Variants in TC2N observed in about 807,000 individuals in gnomAD.
The protein encoded by TC2N is tandem C2 domains, nuclear, also known as tandem C2 domains nuclear protein.
A neutral mutation model predicts 61.9 loss-of-function variants in TC2N; 51 were observed. That is an observed-to-expected ratio of 0.82 (90% confidence interval 0.66 to 1.04). The LOEUF is 1.04. TC2N is among the 50% of genes least tolerant of loss of function. The pLI is 0.00. For synonymous variants in TC2N, 204 were observed against 192.6 expected, an observed-to-expected ratio of 1.06 and a Z score of -0.49; for missense variants, 556 against 566.7, an observed-to-expected ratio of 0.98 and a Z score of 0.19.
chr14:91,797,809 T>C lies in TC2N; in HGVS notation c.831A>G (p.Lys277=), dbSNP rs1720781549. The C allele has an allele frequency of 6.2e-7, 1 of 1,605,950 alleles. No individual in the cohort carries two copies. The highest frequency in any genetic ancestry group is 8.5e-7 in the Non-Finnish European group (1 of 1,176,144). Residue 277 remains lysine (K), a synonymous_variant, in exon 8 of 12, where the codon AAA becomes AAG. Coordinates refer to ENST00000435962, the MANE Select transcript of TC2N (RefSeq NM_001128596.3). ...ILTLPKPVHF[K]SSAKEGSNAI... ...CGTTGGAACCTTCCTTGGCTGAAGA[T>C]TTGAAATGCACTGGTTTGGGCAATG...
chr14:91,788,719 T>C (rs543785301), intron 9 of TC2N, among the ~76,000 whole-genome samples: 1 of 152,166 alleles, frequency 6.6e-6, no homozygotes, highest in Non-Finnish European at 1.5e-5. Context: ...AATATGATTC[T>C]GTATTTCAAA....
chr14:91,804,784 G>A (rs1886431007), intron 3 of TC2N, among the ~76,000 whole-genome samples: 1 of 152,130 alleles, frequency 6.6e-6, no homozygotes. Flanking sequence ...TAACAATGGT[G>A]ACACTGAACA....
chr14:91,821,290 A>C (rs1375472373), intron 1 of TC2N, among the ~76,000 whole-genome samples: 1 of 152,118 alleles, frequency 6.6e-6, no homozygotes, highest in East Asian at 1.9e-4. Flanking sequence ...CAATAGAATT[A>C]AATTCAGAGC....
Position 91,802,272 on chromosome 14 carries a change from T to C in TC2N, c.451A>G (p.Lys151Glu). 1 of 1,591,282 alleles carries C rather than the reference T, an allele frequency of 6.3e-7. No individual in the cohort carries two copies. The highest frequency in any genetic ancestry group is 8.5e-7 in the Non-Finnish European group (1 of 1,171,812). The change falls in exon 4 of 12, where the codon AAG (lysine) becomes GAG (glutamate). Residue 151 changes from lysine to glutamate, a missense_variant. Physicochemically the swap from Lys to Glu is moderately conservative, Grantham distance 56. Coordinates refer to ENST00000435962, the MANE Select transcript of TC2N (RefSeq NM_001128596.3). ...TTCATACCCGATCCATACAGTCTCT[T>C]CACTTCTGAACGGGGAGGAAAGCGT... ...SRRFPPRSEV[K>E]RLYGSVCDLR...
At chr14:91,850,658 C>T (rs991199252) in intron 1 of TC2N, among the ~76,000 whole-genome samples, 56 of 152,334 alleles carry the variant, frequency 3.7e-4, no homozygotes, top group African/African-American at 1.2e-3. Context: ...CCTGCCCAGG[C>T]ACAGTGGCTT....
intron 2 of TC2N, 134 bp from the exon 3 acceptor site, chr14:91,812,679 C>G (rs1209285518): frequency 2.1e-5 from 11 of 529,042 alleles, no homozygotes; most frequent in East Asian, 1.1e-4. Context: ...TTGGGTCTTA[C>G]CAAACACTTC....
intron 1 of TC2N, among the ~76,000 whole-genome samples, chr14:91,835,441 TA>T: frequency 6.6e-6 from 1 of 152,356 alleles, no homozygotes; most frequent in Middle Eastern, 3.4e-3. Context: ...AAATTTCTAT[TA>T]ACTGCCTACC....
At chr14:91,793,836 C>A (rs1440954557) in intron 8 of TC2N, among the ~76,000 whole-genome samples, 4 of 152,106 alleles carry the variant, frequency 2.6e-5, no homozygotes, top group African/African-American at 9.7e-5. Context: ...GGGAAAGGAA[C>A]AAACGTACAT....
At chr14:91,843,875 TA>T (rs1888211254) in intron 1 of TC2N, among the ~76,000 whole-genome samples, 1 of 149,104 alleles carries the variant, frequency 6.7e-6, no homozygotes, top group African/African-American at 2.6e-5. Flanking sequence ...AAATGCTTTA[TA>T]ATCCTATTTT....
At chr14:91,830,625 T>C (rs1331545482) in intron 1 of TC2N, among the ~76,000 whole-genome samples, 1 of 151,302 alleles carries the variant, frequency 6.6e-6, no homozygotes, top group East Asian at 2.0e-4. Flanking sequence ...TAGAATTATA[T>C]AGTGATAGTT....
intron 1 of TC2N, among the ~76,000 whole-genome samples, chr14:91,834,522 T>G (rs1047221365): frequency 3.3e-5 from 5 of 152,168 alleles, no homozygotes; most frequent in Non-Finnish European, 5.9e-5. Flanking sequence ...CCTTCTAACC[T>G]TTGTTTCTCA....
At chr14:91,835,365 T>C in intron 1 of TC2N, among the ~76,000 whole-genome samples, 1 of 152,240 alleles carries the variant, frequency 6.6e-6, no homozygotes. Flanking sequence ...GGTAAATGGA[T>C]TTTGTTGTTG....
intron 1 of TC2N, among the ~76,000 whole-genome samples, chr14:91,865,801 A>AC (rs1888688412): frequency 1.3e-5 from 2 of 152,114 alleles, no homozygotes; most frequent in African/African-American, 2.4e-5. Context: ...AATTTTGTGG[A>AC]CCCTGCTACT....
At chr14:91,812,106 C>A in intron 3 of TC2N, 1 of 227,064 alleles carries the variant, frequency 4.4e-6, no homozygotes, top group Non-Finnish European at 8.5e-6. Context: ...AAGGCCAATT[C>A]TACATACAAA....
At chr14:91,863,797 G>T (rs773092882) in intron 1 of TC2N, among the ~76,000 whole-genome samples, 12 of 132,464 alleles carry the variant, frequency 9.1e-5, no homozygotes, top group Non-Finnish European at 1.7e-4. Context: ...ATCAGCCTGG[G>T]CAAAAAAGCG....
At chr14:91,815,159 T>G (rs1304337418) in intron 1 of TC2N, among the ~76,000 whole-genome samples, 1 of 151,588 alleles carries the variant, frequency 6.6e-6, no homozygotes, top group Non-Finnish European at 1.5e-5. Context: ...CTCTAATAAA[T>G]ACACATATAG....
chr14:91,785,285 G>A lies in TC2N; in HGVS notation c.1239C>T (p.Ser413=). 2.5e-6 allele frequency: 4 copies of A among 1,613,442 alleles called. No homozygotes were observed. Among genetic ancestry groups the A allele is most frequent in the Non-Finnish European group, 3.4e-6 (4 of 1,179,604 alleles). ...TCTCTCCCCACTTGACTCTTCCATTGGAGGCCTTCAGTAAGCGTGTCTTTT... is the reference window on the plus strand; with the variant it reads ...TCTCTCCCCACTTGACTCTTCCATTAGAGGCCTTCAGTAAGCGTGTCTTTT... ...YKKKTRLLKA[S]NGRVKWGETM... is the part of the protein sequence containing the mutation. The change falls in exon 11 of 12, where the codon TCC becomes TCT. Residue 413 remains serine, a synonymous_variant. Transcript: ENST00000435962.
intron 4 of TC2N, 100 bp downstream of exon 4, chr14:91,802,154 G>C: frequency 9.4e-7 from 1 of 1,068,624 alleles, no homozygotes; most frequent in Non-Finnish European, 1.3e-6. Flanking sequence ...TTTTTAAAAT[G>C]CTTTTAATAG....
chr14:91,822,668 G>C lies in TC2N; in HGVS notation c.-56-8843C>G, dbSNP rs151328465. ...AGAGAGGGACAGAAAGGAAGGACTT[G>C]GTGGGGCAGGAGGAAACTTTGGAGT... On this transcript the variant is annotated intron_variant, in intron 1 of 11. Coordinates refer to ENST00000435962, the MANE Select transcript of TC2N (RefSeq NM_001128596.3). Among the ~76,000 whole-genome samples the C allele has an allele frequency of 2.9e-3, 439 of 151,738 alleles. 3 individuals carry two copies. Among genetic ancestry groups the C allele is most frequent in the African/African-American group, 0.01 (415 of 41,382 alleles).
Sources: gnomAD v4.1 joint callset for allele counts (sites outside exome capture counted in the v4.1 genomes callset) on GRCh38, gnomAD v4.1.1 for gene constraint, MANE v1.5 for transcripts, NCBI Gene and HGNC (gene_info 2026-07-23, HGNC 2026-07-21) for gene names.